The following GRK5 variants were observed in gnomAD, a reference collection of about 807,000 sequenced individuals.
GRK5 encodes g protein-coupled receptor kinase GRK5.
Under a neutral mutation model 78.4 loss-of-function variants are expected in GRK5, and 40 were observed. The observed-to-expected ratio is 0.51, with a 90% CI of 0.40 to 0.66. The LOEUF (loss-of-function observed/expected upper bound fraction) is 0.66, where lower values mean the gene tolerates loss of function less well. Among genes scored for constraint, GRK5 ranks in the 30% least tolerant of loss-of-function variants. The pLI is 0.00. For synonymous variants in GRK5, 289 were observed against 296.8 expected, an observed-to-expected ratio of 0.97 and a Z score of 0.27; for missense variants, 598 against 759.9, an observed-to-expected ratio of 0.79 and a Z score of 2.50.
chr10:119,212,513 G>T (rs1359413382), intron 1 of GRK5, among the ~76,000 whole-genome samples: 1 of 152,164 alleles, frequency 6.6e-6, no homozygotes, highest in African/African-American at 2.4e-5. Flanking sequence ...TTCAGGAGCG[G>T]GCTCAATGTT....
intron 1 of GRK5, among the ~76,000 whole-genome samples, chr10:119,291,875 C>A (rs1276970758): frequency 6.6e-6 from 1 of 150,698 alleles, no homozygotes; most frequent in East Asian, 2.0e-4. Flanking sequence ...TCCTCCTCAT[C>A]CTCCTCCTCC....
intron 2 of GRK5, among the ~76,000 whole-genome samples, chr10:119,344,371 A>T (rs1056413049): frequency 6.6e-6 from 1 of 151,824 alleles, no homozygotes; most frequent in African/African-American, 2.4e-5. Context: ...GATGTTCCCC[A>T]TCCTGTGTCC....
At chr10:119,318,610 C>T (rs1047281901) in intron 1 of GRK5, among the ~76,000 whole-genome samples, 2 of 152,112 alleles carry the variant, frequency 1.3e-5, no homozygotes, top group African/African-American at 4.8e-5. Flanking sequence ...GCTCTGGGGG[C>T]TGTAGGCCGC....
rs1851676789 is a variant in GRK5, at chr10:119,379,412, T to G, written c.149-1403T>G. ...ATCCTCCCTCCCGGCAAGCCATAGC[T>G]TTACATCCTGTGGATAAGCATTTTG... On this transcript the variant is annotated intron_variant, in intron 2 of 15. Coordinates refer to ENST00000392870, the MANE Select transcript of GRK5 (RefSeq NM_005308.3). The surrounding 1 kb of genome is among the most constrained non-coding windows in gnomAD (Gnocchi z 4.1). 6.6e-6 allele frequency among the ~76,000 whole-genome samples: 1 copy of G among 152,170 alleles called. No individual in the cohort carries two copies. The highest frequency in any genetic ancestry group is 2.4e-5 in the African/African-American group (1 of 41,442).
chr10:119,413,039 A>G (rs769462962), intron 4 of GRK5, among the ~76,000 whole-genome samples: 7 of 152,188 alleles, frequency 4.6e-5, no homozygotes, highest in Non-Finnish European at 1.0e-4. Context: ...CTTGGCAGCA[A>G]GTGGCAGATA....
rs761170098 is a variant in GRK5 at position 119,396,792 on chromosome 10, C to T, written c.339+20C>T. ...CCAAAGGTAAGGAGTCTTCCAAACC[C>T]CACAGCAGGTGGCACAGGAGGCCTT... On this transcript the variant is annotated intron_variant, in intron 4 of 15. Coordinates refer to ENST00000392870, the MANE Select transcript of GRK5 (RefSeq NM_005308.3). The T allele has an allele frequency of 3.1e-6, 5 of 1,595,130 alleles. No individual in the cohort carries two copies. The highest frequency in any genetic ancestry group is 4.3e-6 in the Non-Finnish European group (5 of 1,162,874).
chr10:119,278,876 T>C lies in GRK5; in HGVS notation c.53-47640T>C, dbSNP rs73432806. 2.6e-3 allele frequency among the ~76,000 whole-genome samples: 393 copies of C among 152,244 alleles called. 1 individual carries two copies. The highest frequency in any genetic ancestry group is 0.01 in the Middle Eastern group (3 of 292). ...TGCACCCCGGTGTCTTTCTGTGTCC[T>C]GACCTCTTCTTTTTTCTTCAAGACG... On this transcript the variant is annotated intron_variant, in intron 1 of 15. Transcript: ENST00000392870.
chr10:119,234,808 T>C (rs1848893322), intron 1 of GRK5, among the ~76,000 whole-genome samples: 1 of 150,282 alleles, frequency 6.7e-6, no homozygotes, highest in African/African-American at 2.5e-5. Flanking sequence ...TTGTCCTGCC[T>C]CAGCCTCCCG....
chr10:119,287,145 C>G (rs113098474), intron 1 of GRK5, among the ~76,000 whole-genome samples: 16 of 109,736 alleles, frequency 1.5e-4, no homozygotes, highest in African/African-American at 3.3e-4. Context: ...GGGAAGGAAG[C>G]AAGGGAGGGA....
rs1852366930 is a variant in GRK5 at position 119,412,529 on chromosome 10, C to T, written c.340-10637C>T. The stretch of plus-strand genomic sequence containing the variant: ...AGTGACCCCGAAAACCAAACCCTGC[C>T]TTCTTTCCTTTGGTCTGTTCTTGTC... On this transcript the variant is annotated intron_variant, in intron 4 of 15. Coordinates refer to ENST00000392870, the MANE Select transcript of GRK5 (RefSeq NM_005308.3). The surrounding 1 kb of genome is among the most constrained non-coding windows in gnomAD (Gnocchi z 4.3). Among the ~76,000 whole-genome samples, 1 of 152,200 alleles carries T rather than the reference C, an allele frequency of 6.6e-6. No individual in the cohort carries two copies. Among genetic ancestry groups the T allele is most frequent in the African/African-American group, 2.4e-5 (1 of 41,438 alleles).
intron 2 of GRK5, among the ~76,000 whole-genome samples, chr10:119,327,134 T>C (rs1264204089): frequency 6.6e-6 from 1 of 152,126 alleles, no homozygotes; most frequent in Non-Finnish European, 1.5e-5. Flanking sequence ...AGGGCTCCCC[T>C]TTCCACTTGC....
At chr10:119,208,287 C>A (rs1387865841) in intron 1 of GRK5, among the ~76,000 whole-genome samples, 2 of 152,206 alleles carry the variant, frequency 1.3e-5, no homozygotes, top group East Asian at 3.9e-4. Context: ...ATTCGGGGAG[C>A]GACGAGCAAA....
chr10:119,243,292 G>A (rs558862813), intron 1 of GRK5, among the ~76,000 whole-genome samples: 1 of 152,114 alleles, frequency 6.6e-6, no homozygotes, highest in Non-Finnish European at 1.5e-5. Context: ...GCTCTGTGTC[G>A]GCATGTTAGG....
At chr10:119,423,555 T>C (rs897263279) in intron 5 of GRK5, among the ~76,000 whole-genome samples, 1 of 152,168 alleles carries the variant, frequency 6.6e-6, no homozygotes, top group Non-Finnish European at 1.5e-5. Context: ...TGGAAGTCTT[T>C]CCCAGGGTCC....
intron 13 of GRK5, among the ~76,000 whole-genome samples, chr10:119,448,933 C>T (rs905491863): frequency 1.3e-5 from 2 of 152,194 alleles, no homozygotes; most frequent in Non-Finnish European, 2.9e-5. Context: ...GTGATCTGTG[C>T]GGGATACGTG....
chr10:119,450,556 G>T (rs1243867112), intron 13 of GRK5, among the ~76,000 whole-genome samples: 1 of 152,200 alleles, frequency 6.6e-6, no homozygotes, highest in Non-Finnish European at 1.5e-5. Context: ...TCCAGGCCCT[G>T]GAAGCAGCAT....
At chr10:119,434,729 T>C (rs995468484) in intron 8 of GRK5, among the ~76,000 whole-genome samples, 9 of 152,188 alleles carry the variant, frequency 5.9e-5, no homozygotes, top group African/African-American at 2.2e-4. Context: ...TGTCAGTGGA[T>C]CTACCATTCT....
intron 2 of GRK5, among the ~76,000 whole-genome samples, chr10:119,339,532 G>T (rs1000497222): frequency 7.9e-5 from 12 of 151,990 alleles, no homozygotes; most frequent in African/African-American, 2.4e-4. Flanking sequence ...AGGCAGGAGT[G>T]GGGGGTTGCA....
At chr10:119,292,658 A>G (rs1213580797) in intron 1 of GRK5, among the ~76,000 whole-genome samples, 1 of 152,180 alleles carries the variant, frequency 6.6e-6, no homozygotes, top group Non-Finnish European at 1.5e-5. Context: ...TCCTGAGGAT[A>G]CCAAAATCTG....
Sources: allele counts gnomAD v4.1 joint callset (sites outside exome capture counted in the v4.1 genomes callset), GRCh38; gene constraint gnomAD v4.1.1; non-coding constraint Gnocchi (gnomAD v3.1); transcripts MANE v1.5; gene names NCBI Gene and HGNC (gene_info 2026-07-23, HGNC 2026-07-21).